The following SLC47A1 variants were observed in gnomAD, a reference collection of about 807,000 sequenced individuals.
SLC47A1 encodes multidrug and toxin extrusion protein 1.
In SLC47A1, 58 loss-of-function variants were observed where a neutral mutation model predicts 65.8. That is an observed-to-expected ratio of 0.88 (90% CI 0.71 to 1.10). The LOEUF is 1.10. Among genes scored for constraint, SLC47A1 ranks in the 50% least tolerant of loss-of-function variants. SLC47A1 has a pLI of 0.00. For missense variants in SLC47A1, 706 were observed against 719.2 expected (o/e 0.98, Z 0.21); for synonymous variants, 285 against 295.0 (o/e 0.97, Z 0.35).
chr17:19,564,294 T>A (rs1399713672), intron 12 of SLC47A1, among the ~76,000 whole-genome samples: 4 of 151,920 alleles, frequency 2.6e-5, no homozygotes, highest in African/African-American at 9.7e-5. Flanking sequence ...GAGGCTGCAG[T>A]GAGCCATGAT....
At chr17:19,576,976 A>G (rs1473350977) in intron 16 of SLC47A1, among the ~76,000 whole-genome samples, 1 of 151,960 alleles carries the variant, frequency 6.6e-6, no homozygotes, top group Non-Finnish European at 1.5e-5. Flanking sequence ...CTAACTCCCA[A>G]CCTCAGGTGA....
rs147368684 is a variant in SLC47A1, at chr17:19,550,677, G to A, written c.499-747G>A. ...GCTGAATTAGTCTGCAGGGGCTTCC[G>A]TAATATAATACCACACACTAGGGAG... On this transcript the variant is annotated intron_variant, in intron 5 of 16. Coordinates refer to ENST00000270570, the MANE Select transcript of SLC47A1 (RefSeq NM_018242.3). Among the ~76,000 whole-genome samples the A allele has an allele frequency of 2.7e-3, 405 of 152,284 alleles. 3 individuals are homozygous for A. The highest frequency in any genetic ancestry group is 0.016 in the South Asian group (76 of 4,822).
At position 19,542,506 on chromosome 17, in the gene SLC47A1, C is replaced by G; in HGVS notation, c.237+12C>G. The G allele has an allele frequency of 6.3e-7, 1 of 1,596,824 alleles. No individual in the cohort carries two copies. The highest frequency in any genetic ancestry group is 8.5e-7 in the Non-Finnish European group (1 of 1,172,776). On this transcript the variant is annotated intron_variant, in intron 2 of 16. Transcript: ENST00000270570. ...CGCTGGCAATCGCGGTACGTGTGGG[C>G]TTTCTGGCAGGTTTACCAACACTGT...
rs1916597595 is a variant in SLC47A1 at position 19,556,000 on chromosome 17, C to T, written c.859C>T (p.Leu287Phe). 6.2e-7 allele frequency: 1 copy of T among 1,614,054 alleles called. No individual in the cohort carries two copies. Among genetic ancestry groups the T allele is most frequent in the African/African-American group, 1.3e-5 (1 of 74,916 alleles). The change falls in exon 10 of 17, where the codon CTC becomes TTC. Residue 287 changes from leucine to phenylalanine, a missense_variant. Transcript: ENST00000270570. ...CAGCTGTCTTTCTTCACCAGGCATC[C>T]TCGGCATGGTGGAGCTGGGCGCTCA... is the stretch of plus-strand genomic sequence containing the variant. The part of the protein sequence containing the change: ...YEVGSFLSGI[L>F]GMVELGAQSI...
chr17:19,537,946 TC>T (rs1567964777), intron 1 of SLC47A1, among the ~76,000 whole-genome samples: 1 of 152,216 alleles, frequency 6.6e-6, no homozygotes, highest in South Asian at 2.1e-4. Context: ...CCACTTCATT[TC>T]CCCCAGAAAC....
At chr17:19,576,342 T>TCTTC (rs1382404395) in intron 16 of SLC47A1, among the ~76,000 whole-genome samples, 5 of 148,022 alleles carry the variant, frequency 3.4e-5, no homozygotes, top group African/African-American at 7.6e-5. Context: ...TTGTATTCTT[T>TCTTC]CTTCCTTCCT....
At chr17:19,556,119 GAA>G (rs1555625630) in intron 10 of SLC47A1, 57 bp downstream of exon 10, 5 of 1,585,162 alleles carry the variant, frequency 3.2e-6, no homozygotes, top group Non-Finnish European at 4.3e-6. Flanking sequence ...CTTGGTATCT[GAA>G]AGAGTCTATG....
At chr17:19,556,160 AT>A in intron 10 of SLC47A1, 98 bp downstream of exon 10, 1 of 1,365,552 alleles carries the variant, frequency 7.3e-7, no homozygotes, top group Non-Finnish European at 1.0e-6. Context: ...TACATGAATC[AT>A]TTGTGAAATG....
intron 1 of SLC47A1, among the ~76,000 whole-genome samples, chr17:19,537,276 G>C (rs750449660): frequency 1.4e-4 from 22 of 151,980 alleles, no homozygotes; most frequent in Middle Eastern, 3.4e-3. Flanking sequence ...GGCAGGTTGA[G>C]GGGGGTGAGG....
intron 2 of SLC47A1, among the ~76,000 whole-genome samples, chr17:19,544,255 A>G (rs1292924647): frequency 6.6e-6 from 1 of 152,126 alleles, no homozygotes; most frequent in Non-Finnish European, 1.5e-5. Flanking sequence ...GGCTTATTTT[A>G]TTTTGGCTTT....
At chr17:19,554,611 A>G (rs578044209) in intron 6 of SLC47A1, among the ~76,000 whole-genome samples, 1 of 152,270 alleles carries the variant, frequency 6.6e-6, no homozygotes, top group African/African-American at 2.4e-5. Context: ...CACTGACTTT[A>G]TCTGCGTCTG....
intron 12 of SLC47A1, among the ~76,000 whole-genome samples, chr17:19,560,873 C>T (rs537962814): frequency 5.7e-4 from 82 of 145,058 alleles, no homozygotes; most frequent in African/African-American, 2.0e-3. Context: ...AGCAAGACTC[C>T]GTCTTAAAAA....
chr17:19,569,370 TA>T (rs10716891), intron 14 of SLC47A1, among the ~76,000 whole-genome samples: 62,093 of 146,830 alleles, frequency 0.42, 14,038 homozygotes, highest in African/African-American at 0.62. Flanking sequence ...GACTCTACCT[TA>T]AAAAAAAAAA....
chr17:19,551,421 T>C lies in SLC47A1; in HGVS notation c.499-3T>C. On this transcript the variant is annotated splice_region_variant and splice_polypyrimidine_tract_variant and intron_variant, in intron 5 of 16. Coordinates refer to ENST00000270570, the MANE Select transcript of SLC47A1 (RefSeq NM_018242.3). ...AACATTCATCTCTCTTGTTCTCTTG[T>C]AGGCAACCTTTCTTTATATGTTACA... 6.2e-7 allele frequency: 1 copy of C among 1,604,870 alleles called. No individual in the cohort carries two copies. The highest frequency in any genetic ancestry group is 1.1e-5 in the South Asian group (1 of 90,890).
intron 1 of SLC47A1, 100 bp from the exon 2 acceptor site, chr17:19,542,293 A>T: frequency 1.5e-6 from 1 of 648,786 alleles, no homozygotes; most frequent in Non-Finnish European, 2.5e-6. Context: ...GTATTTCTTT[A>T]CTTCTGACTG....
At position 19,548,117 on chromosome 17, in the gene SLC47A1, G is replaced by A; in HGVS notation, c.439G>A (p.Asp147Asn). 6.2e-7 allele frequency: 1 copy of A among 1,613,460 alleles called. No individual in the cohort carries two copies. Among genetic ancestry groups the A allele is most frequent in the Non-Finnish European group, 8.5e-7 (1 of 1,179,878 alleles). ...TQHILLLFRQ[D>N]PDVSRLTQTY... is the part of the protein sequence containing the mutation. ...GCACATCCTGCTGCTCTTCAGGCAG[G>A]ACCCAGATGTGTCCAGGTAAGATGG... The change falls in exon 4 of 17, where the codon GAC (aspartate) becomes AAC (asparagine). Residue 147 changes from aspartate to asparagine, a missense_variant. Coordinates refer to ENST00000270570, the MANE Select transcript of SLC47A1 (RefSeq NM_018242.3).
chr17:19,554,633 G>A (rs916644983), intron 6 of SLC47A1, among the ~76,000 whole-genome samples: 2 of 152,124 alleles, frequency 1.3e-5, no homozygotes, highest in Non-Finnish European at 2.9e-5. Context: ...TATTCTATCC[G>A]GATGCGGGGC....
intron 1 of SLC47A1, among the ~76,000 whole-genome samples, chr17:19,536,253 C>CAAT (rs5819675): frequency 0.4 from 57,930 of 145,320 alleles, 11,963 homozygotes; most frequent in East Asian, 0.51. Context: ...AATAGTATAG[C>CAAT]AATAATAATA....
chr17:19,565,113 T>C (rs2084345716), intron 12 of SLC47A1, among the ~76,000 whole-genome samples: 1 of 152,116 alleles, frequency 6.6e-6, no homozygotes. Flanking sequence ...ACTCCAAGGG[T>C]GTTGTGAATT....
Sources: gnomAD v4.1 joint callset for allele counts (sites outside exome capture counted in the v4.1 genomes callset) on GRCh38, gnomAD v4.1.1 for gene constraint, MANE v1.5 for transcripts, NCBI Gene and HGNC (gene_info 2026-07-23, HGNC 2026-07-21) for gene names.